SHLD2: variants seen among roughly 807,000 people sequenced by gnomAD.
SHLD2 encodes RINN1-REV7-interacting novel NHEJ regulator 2.
Under a neutral mutation model 73.2 loss-of-function variants are expected in SHLD2, and 30 were observed. The ratio of observed to expected loss-of-function variants is 0.41; its 90% CI spans 0.31 to 0.56. The LOEUF is 0.56. Ranked by LOEUF, SHLD2 falls within the 20% of genes least tolerant of loss-of-function variation. The pLI is 0.28. For missense variants in SHLD2, 745 were observed against 1,055.9 expected (o/e 0.71, Z 4.08); for synonymous variants, 285 against 370.1 (o/e 0.77, Z 2.64).
intron 4 of SHLD2, among the ~76,000 whole-genome samples, chr10:87,161,471 C>G (rs1373828476): frequency 6.6e-6 from 1 of 152,002 alleles, no homozygotes; most frequent in Non-Finnish European, 1.5e-5. Flanking sequence ...AGTAATTAGA[C>G]TTAATATACA....
intron 2 of SHLD2, among the ~76,000 whole-genome samples, chr10:87,140,999 G>A (rs927005325): frequency 6.6e-6 from 1 of 151,706 alleles, no homozygotes; most frequent in Non-Finnish European, 1.5e-5. Flanking sequence ...CCAAAAAAAG[G>A]CGAGGCACAG....
At chr10:87,134,282 A>G (rs1844639418) in intron 2 of SHLD2, among the ~76,000 whole-genome samples, 1 of 152,220 alleles carries the variant, frequency 6.6e-6, no homozygotes. Flanking sequence ...TGAGGATACA[A>G]GGGAACCTAA....
chr10:87,165,893 T>C (rs184861453), intron 4 of SHLD2, among the ~76,000 whole-genome samples: 3 of 152,216 alleles, frequency 2.0e-5, no homozygotes, highest in African/African-American at 7.2e-5. Context: ...GCAACTTTTT[T>C]GTAAGTCTTA....
intron 2 of SHLD2, among the ~76,000 whole-genome samples, chr10:87,101,939 C>CA (rs1203150244): frequency 1.3e-5 from 2 of 152,108 alleles, no homozygotes; most frequent in Admixed American, 1.3e-4. Flanking sequence ...CTCATTTATT[C>CA]ATTCTGATAT....
chr10:87,131,975 G>A (rs1362603258), intron 2 of SHLD2, among the ~76,000 whole-genome samples: 1 of 152,110 alleles, frequency 6.6e-6, no homozygotes, highest in African/African-American at 2.4e-5. Flanking sequence ...ATGACATTGA[G>A]CCTTTTTTCA....
rs1846099476 is a variant in SHLD2 at position 87,152,677 on chromosome 10, G to A, written c.1323G>A (p.Lys441=). 15 of 1,610,624 alleles carry A rather than the reference G, an allele frequency of 9.3e-6. No individual in the cohort carries two copies. The highest frequency in any genetic ancestry group is 1.3e-5 in the Non-Finnish European group (15 of 1,179,584). Residue 441 remains lysine (K), a synonymous_variant, in exon 3 of 10, where the codon AAG becomes AAA. Coordinates refer to ENST00000298786, the MANE Select transcript of SHLD2 (RefSeq NM_001330112.2). ...AAAACTGTGATTCTAAAAGCCAGAA[G>A]TATAATTGTTTAGTCATGGTGCTAT... ...LIKNCDSKSQ[K]YNCLVMVLSP...
intron 4 of SHLD2, among the ~76,000 whole-genome samples, chr10:87,168,485 G>A (rs1490179514): frequency 6.6e-6 from 1 of 151,312 alleles, no homozygotes; most frequent in Admixed American, 6.6e-5. Context: ...TGTGGCCCCA[G>A]CTATTTGGGA....
intron 6 of SHLD2, among the ~76,000 whole-genome samples, chr10:87,172,740 A>G (rs955067643): frequency 2.0e-5 from 3 of 151,936 alleles, no homozygotes; most frequent in African/African-American, 7.2e-5. Flanking sequence ...TTTTATGTTT[A>G]TATAAGTTAA....
intron 2 of SHLD2, among the ~76,000 whole-genome samples, chr10:87,100,700 A>T (rs988114432): frequency 3.3e-5 from 5 of 151,540 alleles, no homozygotes; most frequent in Non-Finnish European, 7.4e-5. Flanking sequence ...CTGATCTCGA[A>T]CTCCTTGACC....
intron 2 of SHLD2, chr10:87,114,327 A>G (rs1462915343): frequency 6.6e-6 from 1 of 152,232 alleles, no homozygotes; most frequent in African/African-American, 2.4e-5. Flanking sequence ...ATCTTAGCCA[A>G]AAGGCTGAGA....
upstream of SHLD2, chr10:87,094,828 C>CCCCGCGACTAGGGAGGAAGGGT: frequency 7.5e-7 from 1 of 1,330,444 alleles, no homozygotes; most frequent in South Asian, 1.3e-5. The surrounding 1 kb of genome is among the most constrained non-coding windows in gnomAD (Gnocchi z 6.6). Flanking sequence ...TTCTCAGACT[C>CCCCGCGACTAGGGAGGAAGGGT]CCCGCGACTA....
intron 1 of SHLD2, among the ~76,000 whole-genome samples, chr10:87,096,633 T>A (rs1841915684): frequency 1.3e-5 from 2 of 152,116 alleles, no homozygotes; most frequent in Non-Finnish European, 2.9e-5. Flanking sequence ...AAACACCACA[T>A]TACTAGCGTT....
intron 4 of SHLD2, among the ~76,000 whole-genome samples, chr10:87,165,347 C>G (rs1847124740): frequency 2.0e-5 from 3 of 151,930 alleles, no homozygotes; most frequent in African/African-American, 7.3e-5. Flanking sequence ...AAGTATCTCC[C>G]CAAGATACCA....
chr10:87,189,623 CTG>C (rs1351914286), intron 9 of SHLD2, among the ~76,000 whole-genome samples: 4 of 152,190 alleles, frequency 2.6e-5, no homozygotes, highest in Non-Finnish European at 4.4e-5. Flanking sequence ...CCAAGAAAGA[CTG>C]TGATAATTGT....
intron 1 of SHLD2, among the ~76,000 whole-genome samples, chr10:87,095,491 G>GACA (rs1841774531): frequency 6.6e-6 from 1 of 152,190 alleles, no homozygotes; most frequent in Admixed American, 6.5e-5. Context: ...CCGGGGCCGG[G>GACA]CGTGCAGGGG....
chr10:87,154,565 G>A lies in SHLD2; in HGVS notation c.1525+1686G>A, dbSNP rs535349294. On this transcript the variant is annotated intron_variant, in intron 3 of 9. Coordinates refer to ENST00000298786, the MANE Select transcript of SHLD2 (RefSeq NM_001330112.2). ...CTGGCTAATTTTTGTATTTTTAGTA[G>A]AGACGGGGTTTCACCATGTTGGCCG... Among the ~76,000 whole-genome samples, 4 of 151,498 alleles carry A rather than the reference G, an allele frequency of 2.6e-5. No homozygotes were observed. The South Asian group carries it at 8.3e-4, about 32-fold the overall frequency.
chr10:87,108,594 T>A (rs191958766), intron 2 of SHLD2, among the ~76,000 whole-genome samples: 1 of 152,308 alleles, frequency 6.6e-6, no homozygotes, highest in Admixed American at 6.5e-5. Flanking sequence ...TGTGAGCCAT[T>A]GTGCTTGGCC....
At chr10:87,101,284 TAAA>T in intron 2 of SHLD2, among the ~76,000 whole-genome samples, 1 of 152,368 alleles carries the variant, frequency 6.6e-6, no homozygotes, top group African/African-American at 2.4e-5. Context: ...ATATTTGGCT[TAAA>T]TGTTTTAGGA....
chr10:87,172,477 A>G lies in SHLD2; in HGVS notation c.1963+1503A>G, dbSNP rs535408250. Among the ~76,000 whole-genome samples the G allele has an allele frequency of 5.9e-5, 9 of 152,272 alleles. No individual in the cohort carries two copies. The South Asian group carries it at 6.2e-4, about 11-fold the overall frequency. ...ATTTGTGATCTGGGTGAATACATAA[A>G]GATATTCACTACCAAAAATGTGTAT... On this transcript the variant is annotated intron_variant, in intron 6 of 9. Coordinates refer to ENST00000298786, the MANE Select transcript of SHLD2 (RefSeq NM_001330112.2).
Sources: gnomAD v4.1 joint callset for allele counts (sites outside exome capture counted in the v4.1 genomes callset) on GRCh38, gnomAD v4.1.1 for gene constraint, Gnocchi (gnomAD v3.1) non-coding constraint, MANE v1.5 for transcripts, NCBI Gene and HGNC (gene_info 2026-07-23, HGNC 2026-07-21) for gene names.